Variants in XKR6 observed in about 807,000 individuals in gnomAD.
XKR6 encodes the protein XK-related protein 6.
A neutral mutation model predicts 56.7 loss-of-function variants in XKR6; 22 were observed. The observed-to-expected ratio is 0.39, with a 90% CI of 0.28 to 0.55. The LOEUF is 0.55. Ranked by LOEUF, XKR6 falls within the 20% of genes least tolerant of loss-of-function variation. XKR6 has a pLI of 0.66. For missense variants in XKR6, 852 were observed against 889.0 expected, an observed-to-expected ratio of 0.96 and a Z score of 0.53; for synonymous variants, 524 against 387.8, an observed-to-expected ratio of 1.35 and a Z score of -4.13.
chr8:11,114,404 AGGCTAGAGTGCAGT>A (rs989711662), intron 1 of XKR6, among the ~76,000 whole-genome samples: 2 of 152,212 alleles, frequency 1.3e-5, no homozygotes, highest in Non-Finnish European at 2.9e-5. Flanking sequence ...TCTGTCACCC[AGGCTAGAGTGCAGT>A]GGCATGGATC....
At chr8:10,904,851 G>C (rs1008000551) in intron 2 of XKR6, among the ~76,000 whole-genome samples, 7 of 152,216 alleles carry the variant, frequency 4.6e-5, no homozygotes, top group Non-Finnish European at 1.0e-4. Context: ...CTCAACTGCA[G>C]GAATGTGTTT....
At chr8:11,139,156 C>A (rs1012315944) in intron 1 of XKR6, among the ~76,000 whole-genome samples, 3 of 152,192 alleles carry the variant, frequency 2.0e-5, no homozygotes, top group Non-Finnish European at 4.4e-5. Flanking sequence ...TTGGCCTCCA[C>A]AACAAGGGTG....
intron 1 of XKR6, among the ~76,000 whole-genome samples, chr8:11,022,851 T>C (rs552812224): frequency 6.6e-6 from 1 of 152,300 alleles, no homozygotes; most frequent in East Asian, 1.9e-4. Context: ...ATTTCATTGA[T>C]CAACATTTAG....
chr8:11,166,063 C>A (rs981566963), intron 1 of XKR6, among the ~76,000 whole-genome samples: 1 of 151,440 alleles, frequency 6.6e-6, no homozygotes, highest in African/African-American at 2.4e-5. Context: ...TCAAGCAAAT[C>A]TCCTGCCTCA....
chr8:10,999,569 T>TCA (rs1798192262), intron 1 of XKR6, among the ~76,000 whole-genome samples: 1 of 151,378 alleles, frequency 6.6e-6, no homozygotes, highest in East Asian at 1.9e-4. Flanking sequence ...AAAAGAAGGG[T>TCA]TTGGTCAATG....
intron 1 of XKR6, among the ~76,000 whole-genome samples, chr8:11,010,106 A>G (rs1586427650): frequency 6.6e-6 from 1 of 152,208 alleles, no homozygotes; most frequent in Non-Finnish European, 1.5e-5. Context: ...GCTTACAATC[A>G]TGGTGGAAGG....
intron 1 of XKR6, among the ~76,000 whole-genome samples, chr8:10,968,976 A>C (rs965613975): frequency 6.6e-6 from 1 of 152,196 alleles, no homozygotes; most frequent in Non-Finnish European, 1.5e-5. Context: ...TTTTCCACCT[A>C]AAAGTTAAAG....
At chr8:11,008,100 G>A (rs1319466007) in intron 1 of XKR6, among the ~76,000 whole-genome samples, 1 of 152,188 alleles carries the variant, frequency 6.6e-6, no homozygotes, top group Admixed American at 6.5e-5. Flanking sequence ...GTGCACCTGG[G>A]GGAAGGCTGC....
chr8:11,000,825 T>G (rs776094021), intron 1 of XKR6, among the ~76,000 whole-genome samples: 13 of 152,172 alleles, frequency 8.5e-5, no homozygotes, highest in Non-Finnish European at 1.6e-4. Flanking sequence ...GGAATGGAAG[T>G]AAGATGCATA....
chr8:10,963,416 C>T (rs367695649), intron 1 of XKR6, among the ~76,000 whole-genome samples: 17 of 152,360 alleles, frequency 1.1e-4, no homozygotes, highest in East Asian at 7.7e-4. Context: ...TCCCTAGACA[C>T]GGCTTTGCTT....
intron 2 of XKR6, among the ~76,000 whole-genome samples, chr8:10,913,855 G>A (rs1479860498): frequency 6.6e-6 from 1 of 152,220 alleles, no homozygotes; most frequent in Non-Finnish European, 1.5e-5. Flanking sequence ...TGTGGAAAAG[G>A]ATGGGGTCCC....
intron 1 of XKR6, chr8:11,105,269 T>C (rs1055184964): frequency 6.6e-6 from 1 of 152,372 alleles, no homozygotes; most frequent in Middle Eastern, 3.4e-3. Context: ...ACAAACTTTT[T>C]TATTTTACCA....
intron 1 of XKR6, among the ~76,000 whole-genome samples, chr8:11,094,796 C>T (rs1177092254): frequency 6.6e-6 from 1 of 152,194 alleles, no homozygotes; most frequent in Non-Finnish European, 1.5e-5. Context: ...TCCCAAGTTA[C>T]TTACCCAAAG....
intron 1 of XKR6, among the ~76,000 whole-genome samples, chr8:11,103,567 G>C (rs545435939): frequency 6.6e-6 from 1 of 152,300 alleles, no homozygotes; most frequent in Non-Finnish European, 1.5e-5. Context: ...TGTGATGTGG[G>C]TTTCTAAGGT....
At chr8:11,104,585 T>A (rs1049609494) in intron 1 of XKR6, 1 of 137,700 alleles carries the variant, frequency 7.3e-6, no homozygotes, top group Admixed American at 6.8e-5. Context: ...TAAAGACAAT[T>A]AATAAAAGTA....
chr8:11,135,288 C>G (rs1283084574), intron 1 of XKR6, among the ~76,000 whole-genome samples: 1 of 152,140 alleles, frequency 6.6e-6, no homozygotes, highest in East Asian at 1.9e-4. Flanking sequence ...CTCAGCCTCC[C>G]AAAGTGCTGG....
chr8:11,019,092 G>C (rs1461161517), intron 1 of XKR6, among the ~76,000 whole-genome samples: 2 of 152,154 alleles, frequency 1.3e-5, no homozygotes, highest in Admixed American at 6.5e-5. Context: ...TTAGAGAATA[G>C]AGTCTGCCAT....
intron 1 of XKR6, among the ~76,000 whole-genome samples, chr8:11,095,868 T>G (rs1171509185): frequency 6.6e-6 from 1 of 152,226 alleles, no homozygotes; most frequent in Non-Finnish European, 1.5e-5. Context: ...CTCAAAACAC[T>G]TGCTGCCAAT....
At chr8:11,163,125 A>C (rs1801904616) in intron 1 of XKR6, among the ~76,000 whole-genome samples, 1 of 152,244 alleles carries the variant, frequency 6.6e-6, no homozygotes, top group Non-Finnish European at 1.5e-5. Context: ...TTCGAATAAA[A>C]TCAGCACCAT....
Sources: allele counts gnomAD v4.1 joint callset (sites outside exome capture counted in the v4.1 genomes callset), GRCh38; gene constraint gnomAD v4.1.1; transcripts MANE v1.5; gene names NCBI Gene and HGNC (gene_info 2026-07-23, HGNC 2026-07-21).